DMRT1: variants seen among roughly 807,000 people sequenced by gnomAD.
DMRT1 encodes the protein doublesex and mab-3 related transcription factor 1, also known as doublesex- and mab-3-related transcription factor 1.
Under a neutral mutation model 32.3 loss-of-function variants are expected in DMRT1, and 7 were observed. The ratio of observed to expected loss-of-function variants is 0.22; its 90% CI spans 0.12 to 0.41. The LOEUF (loss-of-function observed/expected upper bound fraction) is 0.41. Ranked by LOEUF, DMRT1 falls within the 10% of genes least tolerant of loss-of-function variation. The pLI is 1.00. For synonymous variants in DMRT1, 278 were observed against 206.1 expected, an observed-to-expected ratio of 1.35 and a Z score of -2.99; for missense variants, 625 against 500.5, an observed-to-expected ratio of 1.25 and a Z score of -2.37.
intron 4 of DMRT1, among the ~76,000 whole-genome samples, chr9:937,917 T>C (rs1818940017): frequency 6.6e-6 from 1 of 152,162 alleles, no homozygotes; most frequent in African/African-American, 2.4e-5. Flanking sequence ...TAAGAAACCA[T>C]TGTCAAATCC....
chr9:929,370 G>A (rs533350214), intron 4 of DMRT1, among the ~76,000 whole-genome samples: 13 of 152,244 alleles, frequency 8.5e-5, no homozygotes, highest in African/African-American at 2.9e-4. Flanking sequence ...AGGCTCAAGT[G>A]TTCCTCCTGC....
At chr9:883,193 C>T (rs1205051468) in intron 2 of DMRT1, among the ~76,000 whole-genome samples, 1 of 151,848 alleles carries the variant, frequency 6.6e-6, no homozygotes, top group Non-Finnish European at 1.5e-5. Context: ...AAGCCAACTT[C>T]AGGTTCACTT....
At chr9:845,272 C>G (rs1366596611) in intron 1 of DMRT1, among the ~76,000 whole-genome samples, 1 of 151,712 alleles carries the variant, frequency 6.6e-6, no homozygotes, top group Non-Finnish European at 1.5e-5. Context: ...TGCAGTGGCT[C>G]GATTTCGGCT....
chr9:955,731 C>T (rs1257237989), intron 4 of DMRT1, among the ~76,000 whole-genome samples: 1 of 152,192 alleles, frequency 6.6e-6, no homozygotes, highest in East Asian at 1.9e-4. Flanking sequence ...AAAACTAAAT[C>T]CTGCGTTTCA....
chr9:942,246 G>A lies in DMRT1; in HGVS notation c.967+25339G>A, dbSNP rs187321191. Among the ~76,000 whole-genome samples, 3 of 152,192 alleles carry A rather than the reference G, an allele frequency of 2.0e-5. No homozygotes were observed. In the East Asian group the frequency reaches 5.8e-4, roughly 29 times the overall value. On this transcript the variant is annotated intron_variant, in intron 4 of 4. Transcript: ENST00000382276. ...CTTTCTTCCTCAGTTTTGGCAATGT[G>A]TCTTTCTTTAAAGAGAAATATCAAT...
At chr9:966,078 G>T (rs1819922480) in intron 4 of DMRT1, among the ~76,000 whole-genome samples, 1 of 152,182 alleles carries the variant, frequency 6.6e-6, no homozygotes, top group Non-Finnish European at 1.5e-5. Flanking sequence ...GATCTGTATA[G>T]TAACAAGATC....
intron 4 of DMRT1, among the ~76,000 whole-genome samples, chr9:925,331 C>CAT (rs1818485840): frequency 6.6e-6 from 1 of 152,200 alleles, no homozygotes; most frequent in African/African-American, 2.4e-5. Flanking sequence ...CACCAACAAA[C>CAT]ATGGGGTACT....
chr9:887,607 T>G (rs142897733), intron 2 of DMRT1, among the ~76,000 whole-genome samples: 1 of 152,264 alleles, frequency 6.6e-6, no homozygotes, highest in East Asian at 1.9e-4. Context: ...TCTTGTCCTT[T>G]CTCTCCTTTG....
At chr9:948,983 C>T (rs1025596214) in intron 4 of DMRT1, among the ~76,000 whole-genome samples, 1 of 151,452 alleles carries the variant, frequency 6.6e-6, no homozygotes, top group South Asian at 2.1e-4. Flanking sequence ...CTTCCAGGTA[C>T]TTGGAAAGCT....
At chr9:927,044 C>T (rs116396853) in intron 4 of DMRT1, among the ~76,000 whole-genome samples, 3,032 of 152,306 alleles carry the variant, frequency 0.02, 57 homozygotes, top group African/African-American at 0.046. Context: ...CATCCTCACT[C>T]ATGAGATTTC....
At chr9:962,939 G>A (rs1441962893) in intron 4 of DMRT1, among the ~76,000 whole-genome samples, 1 of 152,122 alleles carries the variant, frequency 6.6e-6, no homozygotes, top group Non-Finnish European at 1.5e-5. Context: ...TGCTGTAGAA[G>A]GATGCTTGCT....
At chr9:935,295 A>G (rs973514369) in intron 4 of DMRT1, among the ~76,000 whole-genome samples, 1 of 152,238 alleles carries the variant, frequency 6.6e-6, no homozygotes, top group African/African-American at 2.4e-5. Context: ...ATCAGAGCTA[A>G]CAGCAGATTG....
chr9:878,210 C>CT (rs56176837), intron 2 of DMRT1, among the ~76,000 whole-genome samples: 1 of 127,396 alleles, frequency 7.8e-6, no homozygotes, highest in South Asian at 3.2e-4. Context: ...GCCCCCCCCC[C>CT]ACCCAATAAA....
At chr9:897,728 G>A (rs1328643367) in intron 3 of DMRT1, among the ~76,000 whole-genome samples, 5 of 152,026 alleles carry the variant, frequency 3.3e-5, no homozygotes, top group African/African-American at 1.2e-4. Context: ...GAGCCACCGC[G>A]CCCGGCCTAA....
At chr9:899,818 T>C (rs1265667489) in intron 3 of DMRT1, among the ~76,000 whole-genome samples, 1 of 152,212 alleles carries the variant, frequency 6.6e-6, no homozygotes, top group East Asian at 1.9e-4. Context: ...ATGCCTCGGA[T>C]CTCCTTTCAG....
chr9:920,811 G>A (rs1335437881), intron 4 of DMRT1, among the ~76,000 whole-genome samples: 1 of 152,192 alleles, frequency 6.6e-6, no homozygotes, highest in African/African-American at 2.4e-5. Context: ...AGCCAGGTGG[G>A]GTGGGAACCA....
intron 2 of DMRT1, among the ~76,000 whole-genome samples, chr9:873,710 G>C (rs1816374746): frequency 6.6e-6 from 1 of 152,172 alleles, no homozygotes; most frequent in South Asian, 2.1e-4. Flanking sequence ...CAGTGGCAAA[G>C]GTGAGGTGAA....
chr9:946,022 G>A (rs538904285), intron 4 of DMRT1, among the ~76,000 whole-genome samples: 34 of 152,206 alleles, frequency 2.2e-4, no homozygotes, highest in African/African-American at 7.7e-4. Flanking sequence ...TTTAGTACAT[G>A]TAGGTCTACT....
At chr9:890,929 C>T (rs1328142912) in intron 2 of DMRT1, among the ~76,000 whole-genome samples, 2 of 151,318 alleles carry the variant, frequency 1.3e-5, no homozygotes, top group Admixed American at 6.6e-5. Flanking sequence ...GGGGTTTCAC[C>T]ATGTTGGTCA....
Sources: allele counts gnomAD v4.1 joint callset (sites outside exome capture counted in the v4.1 genomes callset), GRCh38; gene constraint gnomAD v4.1.1; transcripts MANE v1.5; gene names NCBI Gene and HGNC (gene_info 2026-07-23, HGNC 2026-07-21).